FAM178B: variants seen among roughly 807,000 people sequenced by gnomAD.
FAM178B encodes the protein family with sequence similarity 178 member B.
A neutral mutation model predicts 91.7 loss-of-function variants in FAM178B; 82 were observed. The observed-to-expected ratio is 0.89, with a 90% CI of 0.75 to 1.07. FAM178B has a LOEUF of 1.07. Among genes scored for constraint, FAM178B ranks in the 50% least tolerant of loss-of-function variants. The pLI, the probability that FAM178B is intolerant of heterozygous loss-of-function variation, is 0.00. For missense variants in FAM178B, 769 were observed against 846.7 expected (o/e 0.91, Z 1.14); for synonymous variants, 368 against 359.4 (o/e 1.02, Z -0.27).
At chr2:96,925,065 G>A (rs1306341018) in intron 9 of FAM178B, among the ~76,000 whole-genome samples, 1 of 152,160 alleles carries the variant, frequency 6.6e-6, no homozygotes, top group Non-Finnish European at 1.5e-5. Flanking sequence ...GGGTAAGGCT[G>A]GCATTTGCAC....
Position 96,923,869 on chromosome 2 carries a change from T to C in FAM178B, c.1194-286A>G, listed in dbSNP as rs1331315293. ...GGGCCTGCCTCCCGGCTCACTCACC[T>C]GGTCACTGATCCACAGGCCCCAGGG... On this transcript the variant is annotated intron_variant, in intron 9 of 16. Transcript: ENST00000490605. 2.0e-5 allele frequency among the ~76,000 whole-genome samples: 3 copies of C among 152,220 alleles called. 1 individual carries two copies. The highest frequency in any genetic ancestry group is 4.4e-5 in the Non-Finnish European group (3 of 68,034).
intron 12 of FAM178B, among the ~76,000 whole-genome samples, chr2:96,905,836 A>ATGTATG (rs1559064045): frequency 7.0e-5 from 2 of 28,488 alleles, no homozygotes; most frequent in African/African-American, 2.0e-4. Flanking sequence ...ATATATATAT[A>ATGTATG]TATATATATA....
At chr2:96,901,273 A>G (rs2080926280) in intron 13 of FAM178B, among the ~76,000 whole-genome samples, 1 of 151,388 alleles carries the variant, frequency 6.6e-6, no homozygotes, top group South Asian at 2.1e-4. Context: ...CCCAGGTTCA[A>G]GCAATTCTCC....
chr2:96,981,154 T>C (rs922549889), intron 1 of FAM178B, among the ~76,000 whole-genome samples: 2 of 151,958 alleles, frequency 1.3e-5, no homozygotes, highest in Non-Finnish European at 2.9e-5. Flanking sequence ...TTAGTAGAGA[T>C]GGGGTTTCAC....
At chr2:96,925,943 G>T (rs369202533) in intron 9 of FAM178B, among the ~76,000 whole-genome samples, 1 of 152,240 alleles carries the variant, frequency 6.6e-6, no homozygotes, top group African/African-American at 2.4e-5. Flanking sequence ...TTGATAGGAC[G>T]CCCTGTCAAT....
intron 1 of FAM178B, among the ~76,000 whole-genome samples, chr2:96,982,034 T>G (rs2082369502): frequency 6.6e-6 from 1 of 151,982 alleles, no homozygotes; most frequent in African/African-American, 2.4e-5. Flanking sequence ...ACTACTGCAC[T>G]CCAGCCTGGG....
chr2:96,976,742 G>A (rs1211933691), intron 1 of FAM178B, among the ~76,000 whole-genome samples: 2 of 152,042 alleles, frequency 1.3e-5, no homozygotes, highest in Non-Finnish European at 2.9e-5. Flanking sequence ...CAGCTACTCA[G>A]GAGGCTGAGG....
At chr2:96,888,968 T>C (rs1465323993) in intron 14 of FAM178B, among the ~76,000 whole-genome samples, 2 of 152,144 alleles carry the variant, frequency 1.3e-5, no homozygotes, top group Non-Finnish European at 2.9e-5. Flanking sequence ...CTCAGGAGCA[T>C]GAGCTGGGGA....
chr2:96,920,870 CGAG>C (rs1246529635), intron 12 of FAM178B, among the ~76,000 whole-genome samples: 1 of 152,054 alleles, frequency 6.6e-6, no homozygotes, highest in East Asian at 1.9e-4. Context: ...GTCTGAATGA[CGAG>C]GAGGAGCTGA....
intron 6 of FAM178B, among the ~76,000 whole-genome samples, chr2:96,957,807 T>C (rs1266538382): frequency 6.6e-6 from 1 of 152,180 alleles, no homozygotes. Flanking sequence ...ATGTGAACCC[T>C]TACTAATGTT....
At chr2:96,932,391 C>A (rs2081554670) in intron 8 of FAM178B, among the ~76,000 whole-genome samples, 1 of 152,206 alleles carries the variant, frequency 6.6e-6, no homozygotes, top group Non-Finnish European at 1.5e-5. Flanking sequence ...CTATCAGCAG[C>A]CGTGGAGGCT....
chr2:96,963,862 C>T (rs181331126), intron 5 of FAM178B, among the ~76,000 whole-genome samples: 1 of 152,314 alleles, frequency 6.6e-6, no homozygotes, highest in East Asian at 1.9e-4. Flanking sequence ...GTTTGCTGAT[C>T]CTTGATTTAG....
At chr2:96,934,467 AC>A (rs2081592481) in intron 8 of FAM178B, among the ~76,000 whole-genome samples, 1 of 152,282 alleles carries the variant, frequency 6.6e-6, no homozygotes, top group East Asian at 1.9e-4. Flanking sequence ...AAGCCACTGG[AC>A]TTGTAAACAG....
At chr2:96,946,521 G>A (rs1255656095) in intron 8 of FAM178B, among the ~76,000 whole-genome samples, 1 of 152,224 alleles carries the variant, frequency 6.6e-6, no homozygotes, top group African/African-American at 2.4e-5. Flanking sequence ...ACAATCCCAG[G>A]CTGGGCTCTC....
At chr2:96,894,871 C>T (rs1574206034) in intron 13 of FAM178B, among the ~76,000 whole-genome samples, 2 of 110,006 alleles carry the variant, frequency 1.8e-5, no homozygotes, top group Non-Finnish European at 3.8e-5. Context: ...CCCACCCACA[C>T]CCACCCAGTC....
intron 6 of FAM178B, among the ~76,000 whole-genome samples, chr2:96,959,701 T>C (rs2153374667): frequency 6.6e-6 from 1 of 152,320 alleles, no homozygotes; most frequent in South Asian, 2.1e-4. Flanking sequence ...ATATATTAGC[T>C]CATAATTCCA....
At chr2:96,965,155 A>C (rs1432279165) in intron 5 of FAM178B, among the ~76,000 whole-genome samples, 1 of 151,824 alleles carries the variant, frequency 6.6e-6, no homozygotes, top group Non-Finnish European at 1.5e-5. Flanking sequence ...ACGCGTCACC[A>C]CGCCCAGCTA....
chr2:96,897,853 G>A (rs551831367), intron 13 of FAM178B: 2 of 600,138 alleles, frequency 3.3e-6, no homozygotes, highest in South Asian at 7.5e-5. Context: ...CCCCACTTCT[G>A]CGCAGAAGTC....
intron 1 of FAM178B, among the ~76,000 whole-genome samples, chr2:96,975,127 C>T (rs1482760207): frequency 1.5e-5 from 2 of 135,754 alleles, no homozygotes; most frequent in East Asian, 4.5e-4. Context: ...AAGAACCAAT[C>T]ATCAAGAAGC....
Sources: allele counts gnomAD v4.1 joint callset (sites outside exome capture counted in the v4.1 genomes callset), GRCh38; gene constraint gnomAD v4.1.1; transcripts MANE v1.5; gene names NCBI Gene and HGNC (gene_info 2026-07-23, HGNC 2026-07-21).